Variants in DZIP3 observed in about 807,000 individuals in gnomAD.
The protein encoded by DZIP3 is DAZ interacting zinc finger protein 3, also known as E3 ubiquitin-protein ligase DZIP3.
Under a neutral mutation model 162.0 loss-of-function variants are expected in DZIP3, and 118 were observed. The observed-to-expected ratio is 0.73, with a 90% CI of 0.63 to 0.85. DZIP3 has a LOEUF of 0.85. Ranked by LOEUF, DZIP3 falls within the 40% of genes least tolerant of loss-of-function variation. The probability of loss-of-function intolerance (pLI) is 0.00; values close to 1 mark genes in which losing one functional copy is unlikely to be tolerated. For missense variants in DZIP3, 1,331 were observed against 1,407.0 expected (o/e 0.95, Z 0.86); for synonymous variants, 438 against 458.6 (o/e 0.96, Z 0.57).
In DZIP3 at chr3:108,591,915, G is replaced by A. The variant is rs76437306; in HGVS notation, c.-73+2076G>A. The stretch of plus-strand genomic sequence containing the variant: ...GGAGGCTGAGTTGGGGGGATCACTT[G>A]AGGCTGCAGTGAGTGTGATTGTGCC... On this transcript the variant is annotated intron_variant, in intron 1 of 32. Transcript: ENST00000361582. 4.6e-4 allele frequency among the ~76,000 whole-genome samples: 70 copies of A among 151,148 alleles called. 1 individual carries two copies. The East Asian group carries it at 0.014, about 29-fold the overall frequency.
chr3:108,620,253 G>C (rs1197767177), intron 5 of DZIP3, among the ~76,000 whole-genome samples: 1 of 152,164 alleles, frequency 6.6e-6, no homozygotes, highest in Non-Finnish European at 1.5e-5. Flanking sequence ...TTTTTATTGG[G>C]CGTTGGTCAT....
intron 12 of DZIP3, among the ~76,000 whole-genome samples, chr3:108,641,581 T>C (rs576191230): frequency 6.6e-6 from 1 of 152,350 alleles, no homozygotes; most frequent in Non-Finnish European, 1.5e-5. Context: ...CTAGGCCACC[T>C]GTGTATATCT....
At chr3:108,639,688 T>A (rs1942302434) in intron 12 of DZIP3, among the ~76,000 whole-genome samples, 1 of 151,854 alleles carries the variant, frequency 6.6e-6, no homozygotes, top group Non-Finnish European at 1.5e-5. Flanking sequence ...TTTTTTTTGA[T>A]CATTCTGGAT....
chr3:108,693,510 A>G lies in DZIP3; in HGVS notation c.*157A>G, dbSNP rs1944778221. 1 of 152,128 alleles carries G rather than the reference A, an allele frequency of 6.6e-6. No homozygotes were observed. Among genetic ancestry groups the G allele is most frequent in the South Asian group, 2.1e-4 (1 of 4,830 alleles). The allele number at this position is 152,128 out of a possible 1,614,324, so 9.4% of individuals were successfully genotyped here. On this transcript the variant is annotated 3_prime_UTR_variant, in exon 33 of 33. Coordinates refer to ENST00000361582, the MANE Select transcript of DZIP3 (RefSeq NM_014648.4). ...TTGTTGCTAGCTTGAAATCTGCGGCAATTGGAGTATTTACACCATAGAAAT... is the reference window on the plus strand; with the variant it reads ...TTGTTGCTAGCTTGAAATCTGCGGCGATTGGAGTATTTACACCATAGAAAT...
At chr3:108,622,002 A>C (rs779817230) in intron 5 of DZIP3, among the ~76,000 whole-genome samples, 6 of 152,028 alleles carry the variant, frequency 3.9e-5, no homozygotes, top group Non-Finnish European at 8.8e-5. Flanking sequence ...GTTCAAGATC[A>C]GCCTGGGTAA....
At chr3:108,600,103 G>A (rs1448648001) in intron 1 of DZIP3, among the ~76,000 whole-genome samples, 1 of 152,120 alleles carries the variant, frequency 6.6e-6, no homozygotes, top group Non-Finnish European at 1.5e-5. Flanking sequence ...TGTTTTTAAG[G>A]GTTGAAGTGA....
chr3:108,621,876 T>A lies in DZIP3; in HGVS notation c.376-2568T>A, dbSNP rs369149545. 5.3e-5 allele frequency among the ~76,000 whole-genome samples: 8 copies of A among 152,122 alleles called. No homozygotes were observed. In the South Asian group the frequency reaches 8.3e-4, roughly 16 times the overall value. ...CAACCTAAGTGTCCATCCAGATGAA[T>A]AAATAACGAAAATATGGTACATATA... On this transcript the variant is annotated intron_variant, in intron 5 of 32. Transcript: ENST00000361582.
rs573299410 is a variant in DZIP3 at position 108,684,310 on chromosome 3, T to C, written c.2978T>C (p.Val993Ala). 4.0e-5 allele frequency: 65 copies of C among 1,613,470 alleles called. No homozygotes were observed. The South Asian group carries it at 5.2e-4, about 13-fold the overall frequency. The change falls in exon 27 of 33, where the codon GTC becomes GCC. Residue 993 changes from valine to alanine, a missense_variant. Val to Ala is a moderately conservative substitution (Grantham distance 64, BLOSUM62 0). Around this residue, in one of 2 missense-constraint regions of DZIP3, gnomAD observed 1,278 missense variants for 1,317.1 expected, o/e 0.97. Coordinates refer to ENST00000361582, the MANE Select transcript of DZIP3 (RefSeq NM_014648.4). ...PQMPAVCPGV[V>A]SATGQPRAPL... ...ATGCCTGCAGTTTGCCCGGGAGTCG[T>C]CTCTGCAACTGGCCAACCTAGAGCC...
intron 3 of DZIP3, among the ~76,000 whole-genome samples, chr3:108,608,701 A>T (rs985876576): frequency 6.6e-6 from 1 of 152,184 alleles, no homozygotes; most frequent in Non-Finnish European, 1.5e-5. Context: ...TAGTTGTATG[A>T]ACATCATATG....
rs185179329 is a variant in DZIP3 at position 108,637,087 on chromosome 3, A to G, written c.1011+379A>G. ...AATATCCTCCTATGAAGGTATCTACAGAACATCACATATAGTACCTGTTAC... is the reference window on the plus strand; with the variant it reads ...AATATCCTCCTATGAAGGTATCTACGGAACATCACATATAGTACCTGTTAC... On this transcript the variant is annotated intron_variant, in intron 11 of 32. Coordinates refer to ENST00000361582, the MANE Select transcript of DZIP3 (RefSeq NM_014648.4). Among the ~76,000 whole-genome samples the G allele has an allele frequency of 2.6e-3, 394 of 152,162 alleles. 4 individuals carry two copies. Among genetic ancestry groups the G allele is most frequent in the Non-Finnish European group, 4.5e-3 (303 of 67,882 alleles).
intron 3 of DZIP3, among the ~76,000 whole-genome samples, chr3:108,608,465 G>A (rs574022308): frequency 2.6e-5 from 4 of 151,906 alleles, no homozygotes; most frequent in Non-Finnish European, 5.9e-5. Flanking sequence ...TTTTTTGAAG[G>A]GGAAATTAAA....
intron 19 of DZIP3, among the ~76,000 whole-genome samples, chr3:108,660,263 A>T (rs1194412145): frequency 6.6e-6 from 1 of 152,224 alleles, no homozygotes; most frequent in African/African-American, 2.4e-5. Flanking sequence ...AGTAACGAAA[A>T]CAGCATGGTA....
At chr3:108,658,967 A>C (rs1199753059) in intron 19 of DZIP3, among the ~76,000 whole-genome samples, 2 of 152,244 alleles carry the variant, frequency 1.3e-5, no homozygotes, top group Non-Finnish European at 2.9e-5. Context: ...TGAATAGACC[A>C]ATAACAGGCT....
intron 25 of DZIP3, 115 bp from the exon 26 acceptor site, chr3:108,677,382 C>A (rs1944152695): frequency 3.1e-6 from 2 of 648,350 alleles, no homozygotes; most frequent in Admixed American, 2.6e-5. Context: ...TTATTTCTGA[C>A]AGGTTGGCAA....
intron 4 of DZIP3, 133 bp downstream of exon 4, chr3:108,611,462 G>T: frequency 9.1e-7 from 1 of 1,095,896 alleles, no homozygotes; most frequent in Non-Finnish European, 1.3e-6. Flanking sequence ...CTTGTAAAGG[G>T]CTTTGTTGTC....
rs765397098 is a variant in DZIP3 at position 108,688,068 on chromosome 3, C to T, written c.3242C>T (p.Ser1081Phe). ...TTTGATGAAATTGTTTGCAAGATTT[C>T]CCAGTTTATTGACCCCAAAAAGTCT... ...LTFDEIVCKISQFIDPKKSQS... is the reference protein window; with the variant it reads ...LTFDEIVCKIFQFIDPKKSQS... Residue 1081 changes from serine to phenylalanine, a missense_variant, in exon 29 of 33, where the codon TCC (serine) becomes TTC (phenylalanine). Physicochemically the swap from Ser to Phe is radical, Grantham distance 155 (BLOSUM62 -2). Around this residue, in one of 2 missense-constraint regions of DZIP3, gnomAD observed 1,278 missense variants for 1,317.1 expected, o/e 0.97. Transcript: ENST00000361582. 1.2e-6 allele frequency: 2 copies of T among 1,613,596 alleles called. No individual in the cohort carries two copies. The highest frequency in any genetic ancestry group is 1.1e-5 in the South Asian group (1 of 91,070).
At chr3:108,594,155 T>A (rs1271143209) in intron 1 of DZIP3, among the ~76,000 whole-genome samples, 1 of 152,174 alleles carries the variant, frequency 6.6e-6, no homozygotes, top group African/African-American at 2.4e-5. Flanking sequence ...TAATGTTATC[T>A]ATATTTTTTT....
At chr3:108,618,343 G>A (rs982085250) in intron 5 of DZIP3, among the ~76,000 whole-genome samples, 63 of 152,244 alleles carry the variant, frequency 4.1e-4, no homozygotes, top group African/African-American at 1.4e-3. Flanking sequence ...TCATGAAGCT[G>A]TTTTCTTTTA....
rs1427432404 is a variant in DZIP3, at chr3:108,687,833, T to C, written c.3150-143T>C. On this transcript the variant is annotated intron_variant, in intron 28 of 32. Transcript: ENST00000361582. Reference sequence around the variant, plus strand: ...AATGCAGATGGACCTGTGATCACTTTTTTAGATCAAAGACCTAAAGAGTCC... The same window carrying C: ...AATGCAGATGGACCTGTGATCACTTCTTTAGATCAAAGACCTAAAGAGTCC... 2.8e-6 allele frequency: 3 copies of C among 1,054,762 alleles called. No individual in the cohort carries two copies. The East Asian group carries it at 7.7e-5, about 27-fold the overall frequency. The allele number at this position is 1,054,762 out of a possible 1,614,324, so 65.3% of individuals were successfully genotyped here. A position where few individuals can be genotyped will look rare whatever the true frequency, so the allele number is the denominator to read the frequency against.
Sources: allele counts gnomAD v4.1 joint callset (sites outside exome capture counted in the v4.1 genomes callset), GRCh38; gene constraint gnomAD v4.1.1; regional missense constraint gnomAD v4.1.1; transcripts MANE v1.5; gene names NCBI Gene and HGNC (gene_info 2026-07-23, HGNC 2026-07-21).